AKAP19: variants seen among roughly 807,000 people sequenced by gnomAD.
AKAP19 encodes the protein small A-kinase anchoring protein.
At chr2:189,995,915 G>A in the AKAP19 span, among the ~76,000 whole-genome samples, 6 of 152,114 alleles carry the variant, frequency 3.9e-5, no homozygotes, top group Non-Finnish European at 7.4e-5. Flanking sequence ...GAAGGCTAAG[G>A]ATAGGACCCC....
the AKAP19 span, among the ~76,000 whole-genome samples, chr2:189,898,813 T>C: frequency 2.6e-5 from 4 of 152,336 alleles, 1 homozygote; most frequent in Non-Finnish European, 4.4e-5. Flanking sequence ...ACCCAGGTCT[T>C]GTCTATATCC....
chr2:190,145,953 C>G, the AKAP19 span, among the ~76,000 whole-genome samples: 1 of 148,306 alleles, frequency 6.7e-6, no homozygotes, highest in African/African-American at 2.5e-5. Flanking sequence ...TTCCAGAAAC[C>G]TCTTCCTGAT....
chr2:190,178,680 A>G, the AKAP19 span, among the ~76,000 whole-genome samples: 2 of 152,088 alleles, frequency 1.3e-5, no homozygotes, highest in Non-Finnish European at 2.9e-5. This position sits in a 1 kb window ranked among gnomAD's most constrained non-coding sequence, Gnocchi z 6.3. Context: ...TCGCTCCCTC[A>G]TGGCCCGCTT....
chr2:190,062,403 C>A, the AKAP19 span: 1 of 1,613,366 alleles, frequency 6.2e-7, no homozygotes. Context: ...TGTTTCCAGA[C>A]GAAGTTTACT....
At chr2:189,926,515 T>G in the AKAP19 span, among the ~76,000 whole-genome samples, 2 of 151,316 alleles carry the variant, frequency 1.3e-5, no homozygotes, top group East Asian at 3.9e-4. Flanking sequence ...CTCGATCTGC[T>G]GACGTCGTGA....
chr2:189,930,229 A>C, the AKAP19 span: 7 of 238,644 alleles, frequency 2.9e-5, no homozygotes, highest in Admixed American at 3.4e-4. Flanking sequence ...ACCCCCCAAC[A>C]TGATGGTTCA....
chr2:190,171,713 T>C, the AKAP19 span, among the ~76,000 whole-genome samples: 1 of 152,194 alleles, frequency 6.6e-6, no homozygotes, highest in Non-Finnish European at 1.5e-5. Context: ...TTCCATTAAG[T>C]TTTAAGAGCT....
At chr2:190,116,127 T>G in the AKAP19 span, among the ~76,000 whole-genome samples, 1 of 152,170 alleles carries the variant, frequency 6.6e-6, no homozygotes, top group African/African-American at 2.4e-5. Flanking sequence ...TCCAGTATTG[T>G]GATATCACAG....
the AKAP19 span, among the ~76,000 whole-genome samples, chr2:190,194,769 T>C: frequency 6.6e-6 from 1 of 152,194 alleles, no homozygotes; most frequent in Non-Finnish European, 1.5e-5. Context: ...GAATGTCATA[T>C]AGTTGTAATC....
At chr2:190,169,230 T>G in the AKAP19 span, among the ~76,000 whole-genome samples, 7 of 152,206 alleles carry the variant, frequency 4.6e-5, no homozygotes, top group East Asian at 1.2e-3. Context: ...TTATTCACGG[T>G]CAGGAGAACA....
the AKAP19 span, among the ~76,000 whole-genome samples, chr2:190,141,185 C>T: frequency 9.2e-5 from 14 of 152,202 alleles, no homozygotes; most frequent in African/African-American, 3.1e-4. Context: ...CCACATCTTC[C>T]TGTCTTCTGA....
At chr2:190,003,345 T>C in the AKAP19 span, among the ~76,000 whole-genome samples, 2 of 152,078 alleles carry the variant, frequency 1.3e-5, no homozygotes, top group Non-Finnish European at 2.9e-5. Flanking sequence ...ACTTATATCA[T>C]TCTAATTTAT....
chr2:190,010,400 A>G, the AKAP19 span, among the ~76,000 whole-genome samples: 1 of 152,200 alleles, frequency 6.6e-6, no homozygotes, highest in South Asian at 2.1e-4. Flanking sequence ...ATACAGTGGG[A>G]TAATAGTCAT....
the AKAP19 span, chr2:189,917,586 C>A: frequency 4.6e-6 from 2 of 431,548 alleles, no homozygotes; most frequent in South Asian, 3.0e-5. Flanking sequence ...TTGCTGGGCT[C>A]CACATTTCAA....
chr2:190,135,884 G>A, the AKAP19 span, among the ~76,000 whole-genome samples: 1 of 152,138 alleles, frequency 6.6e-6, no homozygotes, highest in Admixed American at 6.5e-5. Context: ...TACCAGTTGG[G>A]GCATTCTCAT....
chr2:190,057,199 A>T, the AKAP19 span: 1 of 1,600,350 alleles, frequency 6.2e-7, no homozygotes, highest in South Asian at 1.1e-5. Context: ...CACAGCTTCA[A>T]AATTGTTGAG....
the AKAP19 span, among the ~76,000 whole-genome samples, chr2:190,150,736 C>T: frequency 2.0e-5 from 3 of 151,332 alleles, 1 homozygote; most frequent in South Asian, 6.3e-4. Context: ...TCTCTGTCCT[C>T]CCAAGAGGAG....
the AKAP19 span, among the ~76,000 whole-genome samples, chr2:189,994,976 C>G: frequency 1.3e-5 from 2 of 152,114 alleles, no homozygotes; most frequent in Non-Finnish European, 1.5e-5. Context: ...TTTTCTTCCA[C>G]TGTGGTCTGA....
the AKAP19 span, among the ~76,000 whole-genome samples, chr2:190,178,414 C>T: frequency 6.6e-6 from 1 of 152,232 alleles, no homozygotes; most frequent in African/African-American, 2.4e-5. This position sits in a 1 kb window ranked among gnomAD's most constrained non-coding sequence, Gnocchi z 6.3. Flanking sequence ...GAGAGGAGAG[C>T]AGAGAGGGCC....
Sources: allele counts gnomAD v4.1 joint callset (sites outside exome capture counted in the v4.1 genomes callset), GRCh38; gene constraint gnomAD v4.1.1; non-coding constraint Gnocchi (gnomAD v3.1); transcripts MANE v1.5; gene names NCBI Gene and HGNC (gene_info 2026-07-23, HGNC 2026-07-21).